Variants in SNX29 observed in about 807,000 individuals in gnomAD.
SNX29 encodes sorting nexin 29.
SNX29 carries 78 observed loss-of-function variants against 102.1 expected under a neutral mutation model. The ratio of observed to expected loss-of-function variants is 0.76; its 90% CI spans 0.64 to 0.92. The LOEUF is 0.92. Ranked by LOEUF, SNX29 falls within the 40% of genes least tolerant of loss-of-function variation. The probability of loss-of-function intolerance (pLI) is 0.00; values close to 1 mark genes in which losing one functional copy is unlikely to be tolerated. For missense variants in SNX29, 1,280 were observed against 1,061.7 expected, an observed-to-expected ratio of 1.21 and a Z score of -2.86; for synonymous variants, 580 against 414.5, an observed-to-expected ratio of 1.40 and a Z score of -4.85.
intron 16 of SNX29, among the ~76,000 whole-genome samples, chr16:12,362,150 C>T (rs2082318031): frequency 6.6e-6 from 1 of 152,222 alleles, no homozygotes; most frequent in South Asian, 2.1e-4. Flanking sequence ...GTCTTGTTCC[C>T]TTGAACTGAC....
intron 16 of SNX29, among the ~76,000 whole-genome samples, chr16:12,393,283 A>T (rs1410355270): frequency 6.6e-6 from 1 of 151,020 alleles, no homozygotes; most frequent in Non-Finnish European, 1.5e-5. Context: ...TTTGTCTCCA[A>T]ACTAACTTAT....
At chr16:12,546,093 A>G (rs1641881) in intron 20 of SNX29, among the ~76,000 whole-genome samples, 18,398 of 152,144 alleles carry the variant, frequency 0.12, 1,393 homozygotes, top group Non-Finnish European at 0.16. Flanking sequence ...CTCTCACTTC[A>G]CTGTGTGACT....
intron 11 of SNX29, among the ~76,000 whole-genome samples, chr16:12,118,470 C>T (rs958114000): frequency 2.6e-5 from 4 of 151,778 alleles, no homozygotes; most frequent in African/African-American, 9.7e-5. Context: ...CAGGTGCCTG[C>T]CACCATGCCC....
At chr16:12,027,613 T>C (rs2057230306) in intron 4 of SNX29, 169 bp downstream of exon 4, 2 of 709,636 alleles carry the variant, frequency 2.8e-6, no homozygotes, top group Non-Finnish European at 4.3e-6. Context: ...AATGGTGTTG[T>C]CTGGCATCTT....
intron 13 of SNX29, among the ~76,000 whole-genome samples, chr16:12,192,445 T>G (rs1176116274): frequency 6.6e-6 from 1 of 152,204 alleles, no homozygotes; most frequent in Admixed American, 6.5e-5. Context: ...TTCTTCTGTT[T>G]CCACCCCTCA....
At chr16:12,560,221 C>T (rs7184258) in intron 20 of SNX29, among the ~76,000 whole-genome samples, 27,674 of 150,184 alleles carry the variant, frequency 0.18, 2,821 homozygotes, top group East Asian at 0.43. Flanking sequence ...ACTACACAGC[C>T]AGAGCTTGCA....
chr16:12,524,438 A>C (rs911282501), intron 19 of SNX29, among the ~76,000 whole-genome samples: 8 of 151,760 alleles, frequency 5.3e-5, no homozygotes, highest in African/African-American at 1.9e-4. Context: ...GTGCCCCATA[A>C]ATAACTGTCC....
chr16:12,534,601 T>C (rs936639082), intron 20 of SNX29, among the ~76,000 whole-genome samples: 2 of 152,234 alleles, frequency 1.3e-5, no homozygotes. Context: ...TATTGTCACC[T>C]GTTAAATTCA....
chr16:11,999,184 A>T, intron 1 of SNX29, 113 bp from the exon 2 acceptor site: 1 of 860,010 alleles, frequency 1.2e-6, no homozygotes, highest in South Asian at 1.6e-5. Flanking sequence ...CAGATTATTG[A>T]TACCTAGTTG....
intron 18 of SNX29, among the ~76,000 whole-genome samples, chr16:12,408,509 C>T (rs763839931): frequency 1.6e-4 from 24 of 152,226 alleles, no homozygotes; most frequent in Non-Finnish European, 3.1e-4. Flanking sequence ...CCAGAACCTG[C>T]CTCGGGGTGG....
At chr16:12,079,691 G>C (rs1800944751) in intron 11 of SNX29, among the ~76,000 whole-genome samples, 2 of 152,202 alleles carry the variant, frequency 1.3e-5, no homozygotes, top group African/African-American at 4.8e-5. Context: ...CGGTGGTTAA[G>C]GAGATGTGAT....
chr16:12,278,502 A>G (rs916632751), intron 15 of SNX29, among the ~76,000 whole-genome samples: 1 of 152,210 alleles, frequency 6.6e-6, no homozygotes, highest in Admixed American at 6.5e-5. Flanking sequence ...ATTTTGGAAT[A>G]AAGTTGTACA....
chr16:12,287,267 G>A (rs1326849025), intron 15 of SNX29, among the ~76,000 whole-genome samples: 4 of 152,184 alleles, frequency 2.6e-5, no homozygotes, highest in African/African-American at 4.8e-5. Context: ...CTCCACCAGC[G>A]TATGGGTTTC....
At chr16:12,349,852 G>A (rs2081945396) in intron 15 of SNX29, among the ~76,000 whole-genome samples, 1 of 151,920 alleles carries the variant, frequency 6.6e-6, no homozygotes, top group Non-Finnish European at 1.5e-5. Context: ...GCACTTATAG[G>A]TCAATGCTTC....
chr16:12,087,526 G>C (rs2052265072), intron 11 of SNX29: 1 of 259,604 alleles, frequency 3.9e-6, no homozygotes, highest in South Asian at 4.5e-5. Context: ...GAGCCCAGGA[G>C]TTCGAGGCTG....
At chr16:12,160,570 G>C (rs1385480873) in intron 13 of SNX29, among the ~76,000 whole-genome samples, 1 of 152,200 alleles carries the variant, frequency 6.6e-6, no homozygotes, top group African/African-American at 2.4e-5. Flanking sequence ...GGTGTGGGTG[G>C]TTGGGAGTGA....
intron 14 of SNX29, among the ~76,000 whole-genome samples, chr16:12,256,844 T>C (rs1387349779): frequency 3.3e-5 from 5 of 152,196 alleles, no homozygotes; most frequent in African/African-American, 9.6e-5. Context: ...CAACCATTGG[T>C]CTACTGGCCT....
intron 16 of SNX29, among the ~76,000 whole-genome samples, chr16:12,380,789 CCACCCACA>C: frequency 9.5e-6 from 1 of 105,614 alleles, no homozygotes; most frequent in African/African-American, 3.2e-5. Flanking sequence ...ATCCACCCAT[CCACCCACA>C]CACCATCCAT....
intron 18 of SNX29, among the ~76,000 whole-genome samples, chr16:12,427,860 C>T (rs749714245): frequency 7.9e-5 from 12 of 152,244 alleles, no homozygotes; most frequent in Non-Finnish European, 1.8e-4. Context: ...AAGGAGAAAC[C>T]TTCTGAGGGC....
Sources: gnomAD v4.1 joint callset for allele counts (sites outside exome capture counted in the v4.1 genomes callset) on GRCh38, gnomAD v4.1.1 for gene constraint, MANE v1.5 for transcripts, NCBI Gene and HGNC (gene_info 2026-07-23, HGNC 2026-07-21) for gene names.